Variants in SORCS3 observed in about 807,000 individuals in gnomAD.
SORCS3 encodes the protein VPS10 domain-containing receptor SorCS3.
Under a neutral mutation model 146.3 loss-of-function variants are expected in SORCS3, and 57 were observed. The ratio of observed to expected loss-of-function variants is 0.39; its 90% CI spans 0.31 to 0.49. The LOEUF is 0.49. Among genes scored for constraint, SORCS3 ranks in the 20% least tolerant of loss-of-function variants. SORCS3 has a pLI of 0.92. For missense variants in SORCS3, 1,341 were observed against 1,575.5 expected, an observed-to-expected ratio of 0.85 and a Z score of 2.52; for synonymous variants, 653 against 618.5, an observed-to-expected ratio of 1.06 and a Z score of -0.83.
At chr10:105,115,453 A>C (rs1187670066) in intron 7 of SORCS3, among the ~76,000 whole-genome samples, 5 of 152,148 alleles carry the variant, frequency 3.3e-5, no homozygotes, top group African/African-American at 1.2e-4. Flanking sequence ...AGATTACTAG[A>C]TCTTTTCTCC....
chr10:104,741,474 G>A (rs1249990052), intron 1 of SORCS3, among the ~76,000 whole-genome samples: 4 of 151,828 alleles, frequency 2.6e-5, no homozygotes, highest in African/African-American at 7.3e-5. Flanking sequence ...TGAATCTTTA[G>A]GGTTGTGTCT....
At chr10:105,227,576 C>T (rs1487506042) in intron 20 of SORCS3, among the ~76,000 whole-genome samples, 1 of 152,010 alleles carries the variant, frequency 6.6e-6, no homozygotes, top group Non-Finnish European at 1.5e-5. Flanking sequence ...GTCTAATGTG[C>T]AGTTTAAGTG....
chr10:104,725,760 T>C (rs2016621804), intron 1 of SORCS3, among the ~76,000 whole-genome samples: 1 of 152,224 alleles, frequency 6.6e-6, no homozygotes, highest in African/African-American at 2.4e-5. Context: ...TCCGTGGGCA[T>C]AGGACCCGCT....
intron 7 of SORCS3, among the ~76,000 whole-genome samples, chr10:105,137,313 G>A (rs905867649): frequency 2.6e-5 from 4 of 152,080 alleles, no homozygotes; most frequent in African/African-American, 9.7e-5. Context: ...TATGATAGGT[G>A]ACCAGATGAT....
chr10:105,191,089 CA>C (rs1301424797), intron 14 of SORCS3, among the ~76,000 whole-genome samples: 3 of 152,166 alleles, frequency 2.0e-5, no homozygotes, highest in African/African-American at 7.2e-5. Context: ...TACAGCCACT[CA>C]GACAATAAAT....
chr10:104,670,528 C>G (rs1490824024), intron 1 of SORCS3, among the ~76,000 whole-genome samples: 2 of 152,102 alleles, frequency 1.3e-5, no homozygotes. Context: ...GGGCTCTATT[C>G]TATTGGTTTA....
chr10:104,647,104 G>A (rs1157254462), intron 1 of SORCS3, among the ~76,000 whole-genome samples: 6 of 152,200 alleles, frequency 3.9e-5, no homozygotes, highest in Non-Finnish European at 8.8e-5. Flanking sequence ...ATAGCCAGGA[G>A]TGTTTCATCC....
At chr10:105,209,083 A>G (rs889776863) in intron 16 of SORCS3, among the ~76,000 whole-genome samples, 5 of 152,166 alleles carry the variant, frequency 3.3e-5, no homozygotes, top group African/African-American at 1.2e-4. Flanking sequence ...AGCATCAGTT[A>G]TGGGCCCACA....
At chr10:104,718,870 A>C (rs1018845681) in intron 1 of SORCS3, among the ~76,000 whole-genome samples, 1 of 152,216 alleles carries the variant, frequency 6.6e-6, no homozygotes, top group Non-Finnish European at 1.5e-5. Flanking sequence ...TGTTGGAAAA[A>C]AGAAAAATTC....
At chr10:105,041,358 A>G (rs1236159179) in intron 4 of SORCS3, among the ~76,000 whole-genome samples, 1 of 147,018 alleles carries the variant, frequency 6.8e-6, no homozygotes, top group Non-Finnish European at 1.5e-5. Flanking sequence ...CACAGCTAGT[A>G]GTCAGCTGTA....
At chr10:105,177,374 G>A (rs1481110347) in intron 13 of SORCS3, among the ~76,000 whole-genome samples, 1 of 152,122 alleles carries the variant, frequency 6.6e-6, no homozygotes, top group Non-Finnish European at 1.5e-5. Flanking sequence ...TAAATCAAGG[G>A]GCAGAAAGGT....
intron 19 of SORCS3, among the ~76,000 whole-genome samples, chr10:105,219,850 T>C (rs2119662520): frequency 6.6e-6 from 1 of 152,312 alleles, no homozygotes; most frequent in Admixed American, 6.5e-5. Context: ...TGTATCTTAC[T>C]GGCAAAAAAC....
intron 20 of SORCS3, among the ~76,000 whole-genome samples, chr10:105,226,005 A>T (rs2056731768): frequency 6.6e-6 from 1 of 151,888 alleles, no homozygotes; most frequent in Admixed American, 6.6e-5. Context: ...AGCAACAGGG[A>T]AAATTTGACT....
At chr10:104,793,354 A>G (rs550614780) in intron 1 of SORCS3, among the ~76,000 whole-genome samples, 1 of 152,304 alleles carries the variant, frequency 6.6e-6, no homozygotes, top group African/African-American at 2.4e-5. Flanking sequence ...GAAAGAAAAT[A>G]ATAGAATTTA....
intron 5 of SORCS3, among the ~76,000 whole-genome samples, chr10:105,049,809 C>A (rs1367815080): frequency 1.3e-5 from 2 of 151,906 alleles, no homozygotes; most frequent in Non-Finnish European, 2.9e-5. Context: ...CTGGAGACTA[C>A]CAGAAGGGTG....
intron 1 of SORCS3, among the ~76,000 whole-genome samples, chr10:104,791,694 A>G (rs1213815940): frequency 6.6e-6 from 1 of 152,124 alleles, no homozygotes; most frequent in Non-Finnish European, 1.5e-5. Context: ...CTGATGTCTG[A>G]CACCTTTTCA....
intron 1 of SORCS3, among the ~76,000 whole-genome samples, chr10:104,730,518 C>A (rs1051087242): frequency 2.0e-5 from 3 of 152,234 alleles, no homozygotes; most frequent in Non-Finnish European, 4.4e-5. Context: ...TAGGACATCT[C>A]TTTTCATTCC....
chr10:105,238,455 A>G (rs2056805799), intron 20 of SORCS3, among the ~76,000 whole-genome samples: 2 of 152,156 alleles, frequency 1.3e-5, no homozygotes, highest in South Asian at 4.1e-4. Context: ...AGTTGAGCCT[A>G]AGCTGGCATG....
intron 1 of SORCS3, among the ~76,000 whole-genome samples, chr10:104,708,972 C>T (rs1292403839): frequency 6.6e-6 from 1 of 152,200 alleles, no homozygotes; most frequent in Non-Finnish European, 1.5e-5. Flanking sequence ...GATGGAGGCT[C>T]ATTAGCGTGC....
Sources: gnomAD v4.1 joint callset for allele counts (sites outside exome capture counted in the v4.1 genomes callset) on GRCh38, gnomAD v4.1.1 for gene constraint, MANE v1.5 for transcripts, NCBI Gene and HGNC (gene_info 2026-07-23, HGNC 2026-07-21) for gene names.